PTPRS: variants seen among roughly 807,000 people sequenced by gnomAD.
PTPRS encodes the protein receptor-type tyrosine-protein phosphatase S.
PTPRS carries 63 observed loss-of-function variants against 215.3 expected under a neutral mutation model. The observed-to-expected ratio is 0.29, with a 90% confidence interval of 0.24 to 0.36. PTPRS has a LOEUF of 0.36. PTPRS is among the 10% of genes least tolerant of loss of function. PTPRS has a pLI of 1.00. For synonymous variants in PTPRS, 1,404 were observed against 1,191.4 expected (o/e 1.18, Z -3.68); for missense variants, 2,258 against 2,825.8 (o/e 0.80, Z 4.56).
In PTPRS at chr19:5,240,198, C is replaced by T; in HGVS notation, c.1704+1G>A. The T allele has an allele frequency of 6.5e-7, 1 of 1,540,538 alleles. No homozygotes were observed. The highest frequency in any genetic ancestry group is 8.8e-7 in the Non-Finnish European group (1 of 1,142,676). On this transcript the variant is annotated splice_donor_variant, in intron 12 of 37. Coordinates refer to ENST00000262963, the MANE Select transcript of PTPRS (RefSeq NM_002850.4). LOFTEE classifies it high-confidence loss of function. ...GCCAGCCCGTCCCCGCGCTGCCTCACCTCCCGGCCATGGTCGCCTTCCCGG... is the reference window on the plus strand; with the variant it reads ...GCCAGCCCGTCCCCGCGCTGCCTCATCTCCCGGCCATGGTCGCCTTCCCGG...
At position 5,272,941 on chromosome 19, in the gene PTPRS, A is replaced by T. The variant is rs2047047737; in HGVS notation, c.379+501T>A. 2.4e-5 allele frequency: 4 copies of T among 167,710 alleles called. No individual in the cohort carries two copies. The South Asian group carries it at 6.2e-4, about 26-fold the overall frequency. 10.4% of individuals were successfully genotyped at this position (167,710 alleles called of 1,614,324 possible). On this transcript the variant is annotated intron_variant, in intron 4 of 37. Transcript: ENST00000262963. ...CCAATCAGAGTGTTTGTTCCTCCTGAGCCACAGTGATTAGTTCAGGGAAGG... is the reference window on the plus strand; with the variant it reads ...CCAATCAGAGTGTTTGTTCCTCCTGTGCCACAGTGATTAGTTCAGGGAAGG...
At chr19:5,258,404 G>A (rs993474279) in intron 7 of PTPRS, among the ~76,000 whole-genome samples, 8 of 152,242 alleles carry the variant, frequency 5.3e-5, no homozygotes, top group Non-Finnish European at 1.0e-4. Flanking sequence ...GCTGCCTCAT[G>A]ACTGCCAAGT....
intron 1 of PTPRS, among the ~76,000 whole-genome samples, chr19:5,297,382 C>A (rs571493939): frequency 6.6e-6 from 1 of 152,150 alleles, no homozygotes; most frequent in Non-Finnish European, 1.5e-5. Flanking sequence ...CTGTTTCATG[C>A]GGCCGTTCTC....
At chr19:5,220,814 G>A (rs1475386581) in intron 20 of PTPRS, among the ~76,000 whole-genome samples, 186 bp downstream of exon 20, 1 of 152,166 alleles carries the variant, frequency 6.6e-6, no homozygotes, top group African/African-American at 2.4e-5. Flanking sequence ...AGCAGACACA[G>A]GACACATTTA....
intron 1 of PTPRS, among the ~76,000 whole-genome samples, chr19:5,323,068 C>G (rs1392673209): frequency 6.6e-6 from 1 of 152,032 alleles, no homozygotes; most frequent in African/African-American, 2.4e-5. Context: ...GAGTATGAAG[C>G]ATTCGAGGCT....
At chr19:5,278,212 T>TG in intron 2 of PTPRS, 2 of 320,766 alleles carry the variant, frequency 6.2e-6, no homozygotes, top group South Asian at 5.3e-5. Flanking sequence ...GAGTGGGGGG[T>TG]GGGGGAAAGG....
Position 5,222,105 on chromosome 19 carries a change from C to T in PTPRS, c.3201+18G>A, listed in dbSNP as rs778000858. 1.3e-6 allele frequency: 2 copies of T among 1,599,090 alleles called. No homozygotes were observed. Among genetic ancestry groups the T allele is most frequent in the East Asian group, 4.5e-5 (2 of 44,826 alleles). On this transcript the variant is annotated intron_variant, in intron 19 of 37. Coordinates refer to ENST00000262963, the MANE Select transcript of PTPRS (RefSeq NM_002850.4). ...CTGACCCTGCCTGCCTGCCTGCCTG[C>T]TGGCTGGGCAGTCGCACCTTGTAGG...
At position 5,257,843 on chromosome 19, in the gene PTPRS, A is replaced by C. The variant is rs2045686115; in HGVS notation, c.706+174T>G. 1.3e-5 allele frequency among the ~76,000 whole-genome samples: 2 copies of C among 152,204 alleles called. No homozygotes were observed. Reference sequence around the variant, plus strand: ...AGCTGCCCCCATTCTACAGGCAAGGAAACTAAGGCCCAGAGAGGGACGCCG... The same window carrying C: ...AGCTGCCCCCATTCTACAGGCAAGGCAACTAAGGCCCAGAGAGGGACGCCG... On this transcript the variant is annotated intron_variant, in intron 8 of 37. Transcript: ENST00000262963. The surrounding 1 kb of genome is among the most constrained non-coding windows in gnomAD (Gnocchi z 4.4).
chr19:5,259,431 A>G (rs769773715), intron 7 of PTPRS, among the ~76,000 whole-genome samples: 2 of 152,216 alleles, frequency 1.3e-5, no homozygotes, highest in Admixed American at 6.5e-5. Context: ...CTGAAACCAC[A>G]TGCCTGAAAC....
chr19:5,318,699 CTG>C (rs1360174781), intron 1 of PTPRS, among the ~76,000 whole-genome samples: 2 of 152,206 alleles, frequency 1.3e-5, no homozygotes, highest in Non-Finnish European at 2.9e-5. Context: ...GTCACCCAGA[CTG>C]GAGTACAATG....
intron 24 of PTPRS, 66 bp downstream of exon 24, chr19:5,218,721 C>CT: frequency 6.3e-7 from 1 of 1,582,738 alleles, no homozygotes. Flanking sequence ...TGTGGGCACA[C>CT]TATCAGCCCA....
rs779182394 is a variant in PTPRS, at chr19:5,231,629, G to A, written c.1850-14C>T. On this transcript the variant is annotated splice_polypyrimidine_tract_variant and intron_variant, in intron 13 of 37. Coordinates refer to ENST00000262963, the MANE Select transcript of PTPRS (RefSeq NM_002850.4). ...GGGCTGACGGTTCTATTGGAGGGGG[G>A]GAGAACGTGGGGGGGTGGGGAAGGG... The A allele has an allele frequency of 2.7e-5, 3 of 110,294 alleles. No homozygotes were observed. The highest frequency in any genetic ancestry group is 3.6e-4 in the South Asian group (1 of 2,780). The allele number at this position is 110,294 out of a possible 1,614,324, so 6.8% of individuals were successfully genotyped here.
chr19:5,254,034 G>A (rs1397363417), intron 9 of PTPRS, among the ~76,000 whole-genome samples: 2 of 152,184 alleles, frequency 1.3e-5, no homozygotes, highest in African/African-American at 4.8e-5. Context: ...GTCTGCCAGA[G>A]TCCAGAGCCT....
intron 2 of PTPRS, among the ~76,000 whole-genome samples, chr19:5,274,759 A>G (rs1318065248): frequency 6.6e-6 from 1 of 152,226 alleles, no homozygotes; most frequent in African/African-American, 2.4e-5. Context: ...CATGGTGACC[A>G]GCCAAACCCT....
Position 5,222,770 on chromosome 19 carries a change from G to A in PTPRS, c.3022C>T (p.Leu1008Phe), listed in dbSNP as rs2042113446. ...CGGCGCGTGTGGGCTCGCACTTGGA[G>A]GTCATAGGCCGTGTCGGGCTTCAGG... ...QGLKPDTAYDLQVRAHTRRGP... is the reference protein window; with the variant it reads ...QGLKPDTAYDFQVRAHTRRGP... The change falls in exon 18 of 38, where the codon CTC becomes TTC. Residue 1008 changes from leucine (L) to phenylalanine (F), a missense_variant. Physicochemically the swap from Leu to Phe is conservative, Grantham distance 22. Around this residue, in one of 6 missense-constraint regions of PTPRS, gnomAD observed 361 missense variants for 332.6 expected, o/e 1.09. Coordinates refer to ENST00000262963, the MANE Select transcript of PTPRS (RefSeq NM_002850.4). 1.3e-6 allele frequency: 2 copies of A among 1,599,076 alleles called. No homozygotes were observed. Among genetic ancestry groups the A allele is most frequent in the South Asian group, 2.2e-5 (2 of 90,978 alleles).
chr19:5,315,758 C>T (rs1196057811), intron 1 of PTPRS, among the ~76,000 whole-genome samples: 2 of 150,732 alleles, frequency 1.3e-5, no homozygotes, highest in African/African-American at 2.4e-5. Flanking sequence ...TTCTGAGGAG[C>T]TCGGAACACA....
At chr19:5,212,309 CG>C (rs2040978535) in intron 31 of PTPRS, 27 bp downstream of exon 31, 1 of 1,609,690 alleles carries the variant, frequency 6.2e-7, no homozygotes, top group African/African-American at 1.3e-5. Context: ...CGGGGGGAAG[CG>C]GATGGGGCAG....
chr19:5,216,890 G>T (rs1013541731), intron 25 of PTPRS, 123 bp from the exon 26 acceptor site: 1 of 654,388 alleles, frequency 1.5e-6, no homozygotes, highest in Non-Finnish European at 2.8e-6. Flanking sequence ...GACAACGGGG[G>T]GTATGTACAG....
At chr19:5,296,250 G>A (rs895771507) in intron 1 of PTPRS, among the ~76,000 whole-genome samples, 1 of 152,142 alleles carries the variant, frequency 6.6e-6, no homozygotes, top group African/African-American at 2.4e-5. Context: ...AGGATGATTG[G>A]GTTCAGGGTT....
Sources: allele counts gnomAD v4.1 joint callset (sites outside exome capture counted in the v4.1 genomes callset), GRCh38; gene constraint gnomAD v4.1.1; regional missense constraint gnomAD v4.1.1; non-coding constraint Gnocchi (gnomAD v3.1); transcripts MANE v1.5; gene names NCBI Gene and HGNC (gene_info 2026-07-23, HGNC 2026-07-21).